Variants in SH3RF1 observed in about 807,000 individuals in gnomAD.
The protein encoded by SH3RF1 is SH3 domain containing ring finger 1.
Under a neutral mutation model 74.0 loss-of-function variants are expected in SH3RF1, and 32 were observed. That is an observed-to-expected ratio of 0.43 (90% CI 0.33 to 0.58). The LOEUF (loss-of-function observed/expected upper bound fraction) is 0.58. Ranked by LOEUF, SH3RF1 falls within the 20% of genes least tolerant of loss-of-function variation. SH3RF1 has a pLI of 0.05. For missense variants in SH3RF1, 954 were observed against 1,130.9 expected (o/e 0.84, Z 2.24); for synonymous variants, 396 against 439.6 (o/e 0.90, Z 1.24).
intron 2 of SH3RF1, among the ~76,000 whole-genome samples, chr4:169,191,665 C>T (rs1183449641): frequency 6.6e-6 from 1 of 152,092 alleles, no homozygotes; most frequent in Non-Finnish European, 1.5e-5. Flanking sequence ...ATAGTCACCA[C>T]AATAGCATGG....
At chr4:169,208,614 T>C (rs980741148) in intron 2 of SH3RF1, among the ~76,000 whole-genome samples, 1 of 152,184 alleles carries the variant, frequency 6.6e-6, no homozygotes, top group African/African-American at 2.4e-5. Flanking sequence ...CACTCTGTCT[T>C]AGTGCCCCAA....
chr4:169,240,080 C>T (rs542214097), intron 2 of SH3RF1, among the ~76,000 whole-genome samples: 18 of 152,296 alleles, frequency 1.2e-4, no homozygotes, highest in African/African-American at 4.3e-4. Flanking sequence ...AACACTCCAA[C>T]TGCACACTGG....
chr4:169,122,944 T>G (rs1733464934), intron 6 of SH3RF1, among the ~76,000 whole-genome samples: 1 of 152,164 alleles, frequency 6.6e-6, no homozygotes, highest in Admixed American at 6.5e-5. Context: ...CCTACAGGAT[T>G]CCATGCCTTT....
intron 2 of SH3RF1, among the ~76,000 whole-genome samples, chr4:169,209,094 G>C (rs1451350781): frequency 6.6e-6 from 1 of 152,046 alleles, no homozygotes; most frequent in African/African-American, 2.4e-5. Context: ...TTCGAGACCA[G>C]CCTGGCCAAC....
chr4:169,245,028 T>C (rs907075901), intron 2 of SH3RF1, among the ~76,000 whole-genome samples: 1 of 152,188 alleles, frequency 6.6e-6, no homozygotes, highest in African/African-American at 2.4e-5. Flanking sequence ...GGATATTCCA[T>C]CTTAATGATA....
At chr4:169,231,972 C>T (rs1730749784) in intron 2 of SH3RF1, among the ~76,000 whole-genome samples, 2 of 152,146 alleles carry the variant, frequency 1.3e-5, no homozygotes, top group Non-Finnish European at 1.5e-5. Context: ...ATATTCCAGA[C>T]ATAGTATTAG....
chr4:169,233,265 A>C lies in SH3RF1; in HGVS notation c.393+35555T>G, dbSNP rs952695814. ...CTCCATCTCAAAAAAAAAAAAAAAA[A>C]AAAAAAAACCGTGGTTTACTCAGAA... is the stretch of plus-strand genomic sequence containing the variant. On this transcript the variant is annotated intron_variant, in intron 2 of 11. Coordinates refer to ENST00000284637, the MANE Select transcript of SH3RF1 (RefSeq NM_020870.4). 1.3e-4 allele frequency among the ~76,000 whole-genome samples: 20 copies of C among 151,562 alleles called. No individual in the cohort carries two copies. The East Asian group carries it at 1.3e-3, about 10-fold the overall frequency.
Position 169,094,469 on chromosome 4 carries a change from C to G in SH3RF1, c.*2050G>C, listed in dbSNP as rs182483178. The G allele has an allele frequency of 3.3e-5, 5 of 151,090 alleles. No homozygotes were observed. The highest frequency in any genetic ancestry group is 7.4e-5 in the Non-Finnish European group (5 of 67,780). The allele number at this position is 151,090 out of a possible 1,614,324, so 9.4% of individuals were successfully genotyped here. On this transcript the variant is annotated 3_prime_UTR_variant, in exon 12 of 12. Transcript: ENST00000284637. ...GATCTATTAACAGATGAAATTTTAACCAACTTTATACCAGGAAACTATGAA... is the reference window on the plus strand; with the variant it reads ...GATCTATTAACAGATGAAATTTTAAGCAACTTTATACCAGGAAACTATGAA...
chr4:169,172,228 G>A (rs1477975032), intron 2 of SH3RF1, among the ~76,000 whole-genome samples: 3 of 152,214 alleles, frequency 2.0e-5, no homozygotes, highest in Admixed American at 2.0e-4. Flanking sequence ...CTTGCTGAAG[G>A]CAAAGGGAAT....
chr4:169,107,065 T>G lies in SH3RF1; in HGVS notation c.2280A>C (p.Glu760Asp). Residue 760 changes from glutamate (E) to aspartate (D), a missense_variant, in exon 11 of 12, where the codon GAA becomes GAC. Glu to Asp is a conservative substitution (Grantham distance 45). Transcript: ENST00000284637. ...ELPLQGAVGP[E>D]LPPGGGHGRA... ...TGCCATGGCCACCTCCTGGTGGCAG[T>G]TCGGGCCCCACCGCTCCCTGGAGAG... 1 of 1,614,030 alleles carries G rather than the reference T, an allele frequency of 6.2e-7. No individual in the cohort carries two copies. Among genetic ancestry groups the G allele is most frequent in the Non-Finnish European group, 8.5e-7 (1 of 1,179,994 alleles).
intron 1 of SH3RF1, 171 bp downstream of exon 1, chr4:169,270,688 T>C (rs923565355): frequency 1.3e-5 from 2 of 152,210 alleles, no homozygotes; most frequent in South Asian, 2.1e-4. Context: ...GGCCGCGGGC[T>C]GCTCCGCTTC....
chr4:169,239,476 C>T (rs534555367), intron 2 of SH3RF1, among the ~76,000 whole-genome samples: 2 of 152,282 alleles, frequency 1.3e-5, no homozygotes, highest in African/African-American at 4.8e-5. Flanking sequence ...CACTGTTATT[C>T]AGTCCATATG....
At chr4:169,180,902 C>T (rs1734499499) in intron 2 of SH3RF1, among the ~76,000 whole-genome samples, 1 of 152,092 alleles carries the variant, frequency 6.6e-6, no homozygotes, top group Non-Finnish European at 1.5e-5. Flanking sequence ...ATCTTGAGCA[C>T]CTATTAGCAT....
chr4:169,236,384 G>A (rs543418100), intron 2 of SH3RF1, among the ~76,000 whole-genome samples: 9 of 152,248 alleles, frequency 5.9e-5, no homozygotes, highest in African/African-American at 9.6e-5. Context: ...TATAATGAGC[G>A]GTGTCCCTCT....
chr4:169,250,233 G>T (rs1263859896), intron 2 of SH3RF1, among the ~76,000 whole-genome samples: 1 of 151,920 alleles, frequency 6.6e-6, no homozygotes, highest in Non-Finnish European at 1.5e-5. Flanking sequence ...AATGCTGTCA[G>T]TTATAAAGGA....
chr4:169,234,680 A>C (rs1340043348), intron 2 of SH3RF1, among the ~76,000 whole-genome samples: 1 of 152,212 alleles, frequency 6.6e-6, no homozygotes, highest in East Asian at 1.9e-4. Context: ...ACCATTTCCA[A>C]TAGATCACTA....
At chr4:169,226,972 C>G (rs1579149756) in intron 2 of SH3RF1, among the ~76,000 whole-genome samples, 4 of 152,072 alleles carry the variant, frequency 2.6e-5, no homozygotes, top group East Asian at 1.9e-4. Flanking sequence ...TTTGAGACCA[C>G]CCTGGTCAAC....
rs371090000 is a variant in SH3RF1, at chr4:169,136,400, G to C, written c.986C>G (p.Pro329Arg). ...QNRHSMEISP[P>R]VLISSSNPTA... ...GGGGTTGCTGGAGCTGATGAGGACA[G>C]GGGGGCTGATCTCCATGGAGTGGCG... is the stretch of plus-strand genomic sequence containing the variant. Residue 329 changes from proline (P) to arginine (R), a missense_variant, in exon 5 of 12, where the codon CCT becomes CGT. Around this residue, in one of 3 missense-constraint regions of SH3RF1, gnomAD observed 854 missense variants for 962.5 expected, o/e 0.89. Coordinates refer to ENST00000284637, the MANE Select transcript of SH3RF1 (RefSeq NM_020870.4). The C allele has an allele frequency of 2.5e-6, 4 of 1,604,372 alleles. No homozygotes were observed. The highest frequency in any genetic ancestry group is 1.3e-5 in the African/African-American group (1 of 74,764).
rs559617458 is a variant in SH3RF1 at position 169,187,091 on chromosome 4, C to T, written c.394-30412G>A. 1.2e-4 allele frequency among the ~76,000 whole-genome samples: 18 copies of T among 152,048 alleles called. No individual in the cohort carries two copies. In the South Asian group the frequency reaches 2.5e-3, roughly 21 times the overall value. The stretch of plus-strand genomic sequence containing the variant: ...GGCTTCTATTTTACACAAAAATACT[C>T]TTTTTGCTAACTCTTAAATTATTAG... On this transcript the variant is annotated intron_variant, in intron 2 of 11. Transcript: ENST00000284637.
Sources: allele counts gnomAD v4.1 joint callset (sites outside exome capture counted in the v4.1 genomes callset), GRCh38; gene constraint gnomAD v4.1.1; regional missense constraint gnomAD v4.1.1; transcripts MANE v1.5; gene names NCBI Gene and HGNC (gene_info 2026-07-23, HGNC 2026-07-21).